CCDC60: variants seen among roughly 807,000 people sequenced by gnomAD.
The protein encoded by CCDC60 is coiled-coil domain containing 60, also known as coiled-coil domain-containing protein 60.
In CCDC60, 54 loss-of-function variants were observed where a neutral mutation model predicts 63.5. The ratio of observed to expected loss-of-function variants is 0.85; its 90% CI spans 0.68 to 1.07. CCDC60 has a LOEUF of 1.07. Among genes scored for constraint, CCDC60 ranks in the 50% least tolerant of loss-of-function variants. The pLI, the probability that CCDC60 is intolerant of heterozygous loss-of-function variation, is 0.00. For synonymous variants in CCDC60, 206 were observed against 238.8 expected, an observed-to-expected ratio of 0.86 and a Z score of 1.27; for missense variants, 651 against 684.3, an observed-to-expected ratio of 0.95 and a Z score of 0.54.
intron 1 of CCDC60, among the ~76,000 whole-genome samples, chr12:119,400,481 G>A (rs1456892441): frequency 6.6e-6 from 1 of 152,256 alleles, no homozygotes; most frequent in Non-Finnish European, 1.5e-5. Flanking sequence ...CATGTATTAA[G>A]CACCTACTGT....
intron 2 of CCDC60, among the ~76,000 whole-genome samples, chr12:119,469,777 C>T (rs768470295): frequency 1.3e-5 from 2 of 152,134 alleles, no homozygotes; most frequent in East Asian, 3.9e-4. Context: ...TGCAGTTTCA[C>T]GTCAAGGAAG....
chr12:119,500,512 C>T (rs763706154), intron 6 of CCDC60, among the ~76,000 whole-genome samples: 1 of 151,410 alleles, frequency 6.6e-6, no homozygotes, highest in Non-Finnish European at 1.5e-5. Context: ...CCCTCCCTCC[C>T]TCGCTTCCTC....
At chr12:119,520,057 G>A (rs1340884678) in intron 8 of CCDC60, 64 bp from the exon 9 acceptor site, 1 of 1,389,646 alleles carries the variant, frequency 7.2e-7, no homozygotes, top group Non-Finnish European at 1.0e-6. Context: ...CCTCCCACAT[G>A]TAGTTACTGC....
chr12:119,388,410 T>C (rs1310411287), intron 1 of CCDC60: 1 of 152,246 alleles, frequency 6.6e-6, no homozygotes, highest in Non-Finnish European at 1.5e-5. Context: ...ACAGCCTACT[T>C]GAATATCCAA....
chr12:119,384,051 C>CAGGGCGTGGTGG (rs1457472660), intron 1 of CCDC60, among the ~76,000 whole-genome samples: 6 of 152,122 alleles, frequency 3.9e-5, no homozygotes, highest in African/African-American at 1.4e-4. Flanking sequence ...AAAAAATTAG[C>CAGGGCGTGGTGG]CGGGCGTGGT....
At chr12:119,381,354 C>T (rs932318076) in intron 1 of CCDC60, among the ~76,000 whole-genome samples, 5 of 152,256 alleles carry the variant, frequency 3.3e-5, no homozygotes, top group Admixed American at 6.5e-5. Context: ...CCATGATGAC[C>T]TTTAAAGTCG....
At chr12:119,491,712 CT>C (rs34290377) in intron 5 of CCDC60, among the ~76,000 whole-genome samples, 19,164 of 144,350 alleles carry the variant, frequency 0.13, 1,397 homozygotes, top group Non-Finnish European at 0.17. Flanking sequence ...AAAGCAATAT[CT>C]TTTTTTTTTT....
chr12:119,426,979 C>T (rs1956912925), intron 1 of CCDC60, among the ~76,000 whole-genome samples: 1 of 152,194 alleles, frequency 6.6e-6, no homozygotes, highest in Admixed American at 6.5e-5. Context: ...AACACTTTGC[C>T]TCCTCCCACA....
chr12:119,336,133 T>G (rs953812580), intron 1 of CCDC60, among the ~76,000 whole-genome samples: 3 of 148,656 alleles, frequency 2.0e-5, no homozygotes, highest in Non-Finnish European at 3.0e-5. Context: ...TTGGGAGATA[T>G]ACCTGATGCT....
At chr12:119,429,647 C>G (rs1956961735) in intron 2 of CCDC60, 1 of 152,366 alleles carries the variant, frequency 6.6e-6, no homozygotes, top group Non-Finnish European at 1.5e-5. Flanking sequence ...TTCTCCACCA[C>G]TACCGGAATC....
chr12:119,509,530 T>A, intron 7 of CCDC60, among the ~76,000 whole-genome samples: 1 of 152,106 alleles, frequency 6.6e-6, no homozygotes, highest in South Asian at 2.1e-4. Flanking sequence ...TTAAGTAGGG[T>A]TTGTGTTCTC....
chr12:119,381,406 G>T (rs1367886747), intron 1 of CCDC60, among the ~76,000 whole-genome samples: 2 of 152,162 alleles, frequency 1.3e-5, no homozygotes, highest in Non-Finnish European at 2.9e-5. Flanking sequence ...AATTGAAGCT[G>T]TTCTCCCTAT....
intron 1 of CCDC60, among the ~76,000 whole-genome samples, chr12:119,421,914 T>C (rs1047027980): frequency 6.6e-6 from 1 of 152,174 alleles, no homozygotes; most frequent in African/African-American, 2.4e-5. Flanking sequence ...AATGTGAGTA[T>C]ATCTGCCAAG....
At chr12:119,528,476 T>C (rs1360363417) in intron 11 of CCDC60, 139 bp from the exon 12 acceptor site, 7 of 979,922 alleles carry the variant, frequency 7.1e-6, no homozygotes, top group South Asian at 6.9e-5. Context: ...AGCCAGAGCC[T>C]AAGTTAAAGA....
intron 1 of CCDC60, among the ~76,000 whole-genome samples, chr12:119,361,335 C>G (rs1955789257): frequency 1.3e-5 from 2 of 152,250 alleles, no homozygotes; most frequent in African/African-American, 4.8e-5. Flanking sequence ...ATTACAGAAA[C>G]TCTAAGGTTT....
chr12:119,460,156 G>A (rs1950829939), intron 2 of CCDC60, among the ~76,000 whole-genome samples: 1 of 152,114 alleles, frequency 6.6e-6, no homozygotes, highest in South Asian at 2.1e-4. Flanking sequence ...AGCACCACGG[G>A]TAAATCCAAT....
At chr12:119,348,335 C>G (rs1207164374) in intron 1 of CCDC60, among the ~76,000 whole-genome samples, 3 of 152,170 alleles carry the variant, frequency 2.0e-5, no homozygotes, top group Non-Finnish European at 4.4e-5. Context: ...TAACTAGCCT[C>G]CTCACCTTTT....
At chr12:119,445,433 C>CAAAAAAAAAAAAAAAAAAAAA (rs58415660) in intron 2 of CCDC60, among the ~76,000 whole-genome samples, 5 of 27,200 alleles carry the variant, frequency 1.8e-4, no homozygotes, top group African/African-American at 3.1e-4. Flanking sequence ...GACTCCATCT[C>CAAAAAAAAAAAAAAAAAAAAA]AAAAAAAAAA....
intron 2 of CCDC60, among the ~76,000 whole-genome samples, chr12:119,444,707 C>T (rs954072461): frequency 2.0e-5 from 3 of 152,248 alleles, no homozygotes; most frequent in Non-Finnish European, 2.9e-5. Context: ...CCACTCTTCT[C>T]TGACATCTCG....
Sources: allele counts gnomAD v4.1 joint callset (sites outside exome capture counted in the v4.1 genomes callset), GRCh38; gene constraint gnomAD v4.1.1; transcripts MANE v1.5; gene names NCBI Gene and HGNC (gene_info 2026-07-23, HGNC 2026-07-21).